HPSE2: variants seen among roughly 807,000 people sequenced by gnomAD.
HPSE2 encodes heparanase 2 (inactive).
Under a neutral mutation model 60.5 loss-of-function variants are expected in HPSE2, and 38 were observed. The observed-to-expected ratio is 0.63, with a 90% CI of 0.48 to 0.82. HPSE2 has a LOEUF of 0.82. Ranked by LOEUF, HPSE2 falls within the 40% of genes least tolerant of loss-of-function variation. The pLI, the probability that HPSE2 is intolerant of heterozygous loss-of-function variation, is 0.00. For synonymous variants in HPSE2, 295 were observed against 293.2 expected (o/e 1.01, Z -0.06); for missense variants, 713 against 740.4 (o/e 0.96, Z 0.43).
At chr10:99,315,811 G>C in the HPSE2 span, among the ~76,000 whole-genome samples, 1 of 152,180 alleles carries the variant, frequency 6.6e-6, no homozygotes, top group African/African-American at 2.4e-5. Context: ...TCCCCAAACA[G>C]CATCTTCACA....
chr10:99,226,327 T>C (rs1430981762), intron 2 of HPSE2, among the ~76,000 whole-genome samples: 1 of 152,074 alleles, frequency 6.6e-6, no homozygotes, highest in African/African-American at 2.4e-5. Flanking sequence ...CTAAATTGTC[T>C]TTCTGTTATT....
intron 11 of HPSE2, among the ~76,000 whole-genome samples, chr10:98,475,260 G>A (rs1396260366): frequency 6.6e-6 from 1 of 151,970 alleles, no homozygotes; most frequent in Non-Finnish European, 1.5e-5. Context: ...TGGAACTACA[G>A]GCACCCGCCA....
At chr10:99,224,734 A>G (rs578141359) in intron 2 of HPSE2, among the ~76,000 whole-genome samples, 1 of 152,238 alleles carries the variant, frequency 6.6e-6, no homozygotes, top group South Asian at 2.1e-4. Context: ...TGGCAGATGA[A>G]ATAATAATTT....
chr10:98,620,741 G>T, intron 7 of HPSE2, 33 bp from the exon 8 acceptor site: 1 of 1,455,458 alleles, frequency 6.9e-7, no homozygotes, highest in Non-Finnish European at 9.6e-7. Context: ...AGGGGATAAC[G>T]AGGTTTTAAA....
intron 9 of HPSE2, among the ~76,000 whole-genome samples, chr10:98,587,793 C>T (rs1242630471): frequency 6.6e-6 from 1 of 152,186 alleles, no homozygotes; most frequent in Non-Finnish European, 1.5e-5. Context: ...CTTATGCTAA[C>T]ATTCTCTGGT....
At chr10:99,298,642 A>G in the HPSE2 span, among the ~76,000 whole-genome samples, 2 of 152,140 alleles carry the variant, frequency 1.3e-5, no homozygotes, top group Non-Finnish European at 2.9e-5. Context: ...AAGTAAAGAA[A>G]ATGGGAAGAA....
Position 98,810,387 on chromosome 10 carries a change from GA to G in HPSE2, c.611-66332del, listed in dbSNP as rs540327016. On this transcript the variant is annotated intron_variant, in intron 3 of 11. Coordinates refer to ENST00000370552, the MANE Select transcript of HPSE2 (RefSeq NM_021828.5). ...AAATATGTATATTTATTTAAAATGA[GA>G]AAAAAAAATCACAACACATTCTTGA... 9.1e-3 allele frequency among the ~76,000 whole-genome samples: 1,381 copies of G among 150,988 alleles called. 26 individuals carry two copies. The highest frequency in any genetic ancestry group is 0.032 in the African/African-American group (1,317 of 41,164).
At chr10:99,120,631 G>C (rs531875821) in intron 3 of HPSE2, among the ~76,000 whole-genome samples, 3 of 151,996 alleles carry the variant, frequency 2.0e-5, no homozygotes, top group Admixed American at 6.6e-5. Context: ...GTGCCACCAC[G>C]CCCAGCTAAT....
upstream of HPSE2, chr10:99,235,882 C>T (rs1315743314): frequency 1.6e-6 from 2 of 1,247,112 alleles, no homozygotes; most frequent in Non-Finnish European, 2.3e-6. Flanking sequence ...GTGTGTCTGT[C>T]CGCCTTTTTC....
chr10:98,930,981 C>T (rs1225002011), intron 3 of HPSE2, among the ~76,000 whole-genome samples: 1 of 144,038 alleles, frequency 6.9e-6, no homozygotes, highest in Non-Finnish European at 1.5e-5. Flanking sequence ...AATTAGATCC[C>T]ATTTGTCAAT....
At chr10:98,828,784 A>C (rs1951612918) in intron 3 of HPSE2, among the ~76,000 whole-genome samples, 1 of 152,216 alleles carries the variant, frequency 6.6e-6, no homozygotes, top group Non-Finnish European at 1.5e-5. Flanking sequence ...ATGGTGTATA[A>C]AACTGTATAG....
intron 9 of HPSE2, among the ~76,000 whole-genome samples, chr10:98,502,276 C>T (rs775325160): frequency 3.3e-5 from 5 of 152,086 alleles, no homozygotes; most frequent in Admixed American, 2.0e-4. Flanking sequence ...TGAGAGGCAT[C>T]GCACACTACC....
intron 6 of HPSE2, among the ~76,000 whole-genome samples, chr10:98,664,713 C>T (rs990783938): frequency 6.6e-6 from 1 of 152,102 alleles, no homozygotes; most frequent in Non-Finnish European, 1.5e-5. Flanking sequence ...GCCTGTGAAA[C>T]CTAAGGCAAA....
intron 3 of HPSE2, among the ~76,000 whole-genome samples, chr10:99,080,328 C>T (rs1843093037): frequency 6.6e-6 from 1 of 152,048 alleles, no homozygotes; most frequent in Non-Finnish European, 1.5e-5. Context: ...ACAAAAAGTG[C>T]TCTCATTGCT....
chr10:98,540,018 C>T (rs1031891661), intron 9 of HPSE2, among the ~76,000 whole-genome samples: 2 of 152,230 alleles, frequency 1.3e-5, no homozygotes, highest in Admixed American at 1.3e-4. Context: ...GCAGTATTAC[C>T]TGGGGTAAGC....
intron 9 of HPSE2, among the ~76,000 whole-genome samples, chr10:98,609,011 T>C (rs74154334): frequency 0.051 from 7,765 of 152,258 alleles, 670 homozygotes; most frequent in African/African-American, 0.18. Flanking sequence ...TCTAACATGA[T>C]TCACTGGAAA....
At chr10:99,298,666 A>G in the HPSE2 span, among the ~76,000 whole-genome samples, 4 of 126,238 alleles carry the variant, frequency 3.2e-5, no homozygotes, top group African/African-American at 1.3e-4. Context: ...CCCTATGTAT[A>G]GGCTTTTTTT....
At chr10:98,801,964 A>T (rs1950919343) in intron 3 of HPSE2, among the ~76,000 whole-genome samples, 1 of 152,184 alleles carries the variant, frequency 6.6e-6, no homozygotes, top group Admixed American at 6.5e-5. Context: ...TGTAGTAGCC[A>T]ATATAGCACC....
chr10:99,136,544 G>A (rs1439723036), intron 3 of HPSE2, among the ~76,000 whole-genome samples: 3 of 152,112 alleles, frequency 2.0e-5, no homozygotes, highest in Non-Finnish European at 4.4e-5. Flanking sequence ...TATCCACCAC[G>A]ATCAAGTCGG....
Sources: allele counts gnomAD v4.1 joint callset (sites outside exome capture counted in the v4.1 genomes callset), GRCh38; gene constraint gnomAD v4.1.1; transcripts MANE v1.5; gene names NCBI Gene and HGNC (gene_info 2026-07-23, HGNC 2026-07-21).